Variants in TPD52 observed in about 807,000 individuals in gnomAD.
TPD52 encodes the protein prostate and colon associated protein.
Under a neutral mutation model 31.3 loss-of-function variants are expected in TPD52, and 17 were observed. The ratio of observed to expected loss-of-function variants is 0.54; its 90% CI spans 0.37 to 0.82. The LOEUF (loss-of-function observed/expected upper bound fraction) is 0.82, where lower values mean the gene tolerates loss of function less well. Ranked by LOEUF, TPD52 falls within the 40% of genes least tolerant of loss-of-function variation. The probability of loss-of-function intolerance (pLI) is 0.00; values close to 1 mark genes in which losing one functional copy is unlikely to be tolerated. For synonymous variants in TPD52, 83 were observed against 89.6 expected, an observed-to-expected ratio of 0.93 and a Z score of 0.42; for missense variants, 212 against 240.1, an observed-to-expected ratio of 0.88 and a Z score of 0.77.
intron 1 of TPD52, among the ~76,000 whole-genome samples, chr8:80,089,500 G>A (rs1816087087): frequency 6.6e-6 from 1 of 152,034 alleles, no homozygotes; most frequent in Non-Finnish European, 1.5e-5. Flanking sequence ...CTATCCTCAG[G>A]GAAAAAGTTA....
intron 1 of TPD52, 68 bp from the exon 2 acceptor site, chr8:80,064,661 A>G: frequency 8.8e-7 from 1 of 1,139,142 alleles, no homozygotes; most frequent in Non-Finnish European, 1.3e-6. Context: ...AAGCTCCTCC[A>G]CTGTCCTAGC....
rs200044311 is a variant in TPD52, at chr8:80,126,365, T to TG, written c.19+45059_19+45060insC. Among the ~76,000 whole-genome samples the TG allele has an allele frequency of 8.4e-3, 1,278 of 151,420 alleles. 13 individuals are homozygous for TG. The highest frequency in any genetic ancestry group is 0.029 in the African/African-American group (1,174 of 41,172). On this transcript the variant is annotated intron_variant, in intron 1 of 7. Transcript: ENST00000518937. The stretch of plus-strand genomic sequence containing the variant: ...TCATTTTGAAATACTCATTGAGGTT[T>TG]TTTTTTTTTTTGCAAACATTCTCTG...
intron 4 of TPD52, 31 bp from the exon 5 acceptor site, chr8:80,050,502 GA>G (rs1464145318): frequency 1.3e-6 from 2 of 1,587,988 alleles, no homozygotes; most frequent in Admixed American, 3.6e-5. Flanking sequence ...CATTAAAAAA[GA>G]AAGAAGTTCT....
Position 80,038,072 on chromosome 8 carries a change from G to A in TPD52, c.*44C>T, listed in dbSNP as rs779599352. 3.1e-6 allele frequency: 5 copies of A among 1,605,954 alleles called. No individual in the cohort carries two copies. The highest frequency in any genetic ancestry group is 1.3e-5 in the African/African-American group (1 of 74,872). On this transcript the variant is annotated 3_prime_UTR_variant, in exon 8 of 8. Coordinates refer to ENST00000518937, the MANE Select transcript of TPD52 (RefSeq NM_001025253.3). Reference sequence around the variant, plus strand: ...TGTTGACAAGATGTGCTTGGACCTCGCTTGCAGCATCTGGCAGTGGGTAGC... The same window carrying A: ...TGTTGACAAGATGTGCTTGGACCTCACTTGCAGCATCTGGCAGTGGGTAGC...
At chr8:80,161,703 A>G (rs1811368168) in intron 1 of TPD52, among the ~76,000 whole-genome samples, 1 of 145,238 alleles carries the variant, frequency 6.9e-6, no homozygotes, top group Non-Finnish European at 1.5e-5. Flanking sequence ...ACTTTTATCA[A>G]GAACACATTT....
At chr8:80,140,236 G>A (rs754192766) in intron 1 of TPD52, among the ~76,000 whole-genome samples, 8 of 152,146 alleles carry the variant, frequency 5.3e-5, no homozygotes, top group Non-Finnish European at 1.2e-4. Context: ...TCACTGGCAA[G>A]GAGACCTACC....
chr8:80,132,476 A>G (rs558862786), intron 1 of TPD52, among the ~76,000 whole-genome samples: 2 of 152,272 alleles, frequency 1.3e-5, no homozygotes, highest in Admixed American at 1.3e-4. Context: ...CCAAAGGGCT[A>G]GGATTACAGG....
At chr8:80,064,651 A>G in intron 1 of TPD52, 58 bp from the exon 2 acceptor site, 1 of 1,255,686 alleles carries the variant, frequency 8.0e-7, no homozygotes, top group Non-Finnish European at 1.2e-6. Flanking sequence ...ATCCCTATTT[A>G]AGCTCCTCCA....
rs1458006905 is a variant in TPD52, at chr8:80,042,676, G to A, written c.456-8C>T. 6.2e-7 allele frequency: 1 copy of A among 1,605,514 alleles called. No homozygotes were observed. The highest frequency in any genetic ancestry group is 1.3e-5 in the African/African-American group (1 of 74,522). ...TTAAAAGTTGGGGAGTTTCTATGGA[G>A]AGAAAAGAAAAACAAATAGTAAATA... On this transcript the variant is annotated splice_region_variant and splice_polypyrimidine_tract_variant and intron_variant, in intron 6 of 7. Coordinates refer to ENST00000518937, the MANE Select transcript of TPD52 (RefSeq NM_001025253.3).
At chr8:80,044,473 C>G (rs186320038) in intron 5 of TPD52, among the ~76,000 whole-genome samples, 1 of 152,242 alleles carries the variant, frequency 6.6e-6, no homozygotes, top group East Asian at 1.9e-4. Context: ...TGCTTTCACC[C>G]GGAGCTGTAA....
intron 1 of TPD52, among the ~76,000 whole-genome samples, chr8:80,090,532 A>G (rs1416157138): frequency 6.6e-6 from 1 of 152,208 alleles, no homozygotes; most frequent in Non-Finnish European, 1.5e-5. Context: ...CCTAAACTGA[A>G]TGAAACTAGA....
downstream of TPD52, among the ~76,000 whole-genome samples, chr8:80,031,436 C>T (rs1384311016): frequency 6.6e-6 from 1 of 152,214 alleles, no homozygotes; most frequent in East Asian, 1.9e-4. Flanking sequence ...GCAGTTAAAA[C>T]TGTTTATCTC....
chr8:80,067,824 A>T (rs1186803557), intron 1 of TPD52, among the ~76,000 whole-genome samples: 1 of 151,736 alleles, frequency 6.6e-6, no homozygotes, highest in East Asian at 1.9e-4. Context: ...ATTAATTCCA[A>T]CTAAAGTTTC....
chr8:80,151,857 C>T (rs1810591862), intron 1 of TPD52, among the ~76,000 whole-genome samples: 1 of 152,102 alleles, frequency 6.6e-6, no homozygotes, highest in African/African-American at 2.4e-5. Context: ...GTAATTTTGT[C>T]TTTTGACAGG....
At chr8:80,112,539 A>G (rs768926753) in intron 1 of TPD52, among the ~76,000 whole-genome samples, 18 of 152,252 alleles carry the variant, frequency 1.2e-4, no homozygotes, top group Non-Finnish European at 2.1e-4. Flanking sequence ...GACTCTTGGT[A>G]GTAAAGAATA....
intron 5 of TPD52, among the ~76,000 whole-genome samples, chr8:80,049,226 CA>C (rs944366092): frequency 6.6e-6 from 1 of 152,140 alleles, no homozygotes; most frequent in African/African-American, 2.4e-5. Flanking sequence ...TCCCCTACTC[CA>C]CTCTAAGATT....
At chr8:80,166,422 G>C (rs1442115266) in intron 1 of TPD52, among the ~76,000 whole-genome samples, 2 of 151,634 alleles carry the variant, frequency 1.3e-5, no homozygotes, top group Non-Finnish European at 2.9e-5. Context: ...AGTAGAGACA[G>C]GGTTTCTCCA....
Position 80,096,794 on chromosome 8 carries a change from C to G in TPD52, c.20-32201G>C, listed in dbSNP as rs183661737. 1.8e-4 allele frequency among the ~76,000 whole-genome samples: 27 copies of G among 152,262 alleles called. No individual in the cohort carries two copies. The East Asian group carries it at 3.7e-3, about 21-fold the overall frequency. Reference sequence around the variant, plus strand: ...GCCATTCTCTCATCTCTCTCCCTCTCCTCAGGCCTCCCTATTTGATGAGAC... The same window carrying G: ...GCCATTCTCTCATCTCTCTCCCTCTGCTCAGGCCTCCCTATTTGATGAGAC... On this transcript the variant is annotated intron_variant, in intron 1 of 7. Transcript: ENST00000518937.
chr8:80,155,108 C>T (rs961815745), intron 1 of TPD52, among the ~76,000 whole-genome samples: 4 of 152,024 alleles, frequency 2.6e-5, no homozygotes, highest in Non-Finnish European at 5.9e-5. Flanking sequence ...AGCGATCCTC[C>T]TGCCTCAGCC....
Sources: gnomAD v4.1 joint callset for allele counts (sites outside exome capture counted in the v4.1 genomes callset) on GRCh38, gnomAD v4.1.1 for gene constraint, MANE v1.5 for transcripts, NCBI Gene and HGNC (gene_info 2026-07-23, HGNC 2026-07-21) for gene names.